CCDC150: variants seen among roughly 807,000 people sequenced by gnomAD.
CCDC150 encodes coiled-coil domain containing 150.
CCDC150 carries 151 observed loss-of-function variants against 156.5 expected under a neutral mutation model. The ratio of observed to expected loss-of-function variants is 0.97; its 90% CI spans 0.85 to 1.10. The LOEUF (loss-of-function observed/expected upper bound fraction) is 1.10. CCDC150 is among the 50% of genes least tolerant of loss of function. The probability of loss-of-function intolerance (pLI) is 0.00; values close to 1 mark genes in which losing one functional copy is unlikely to be tolerated. For missense variants in CCDC150, 1,312 were observed against 1,268.1 expected (o/e 1.03, Z -0.53); for synonymous variants, 452 against 429.4 (o/e 1.05, Z -0.65).
chr2:196,690,778 G>C (rs1055976098), intron 13 of CCDC150, among the ~76,000 whole-genome samples: 1 of 152,156 alleles, frequency 6.6e-6, no homozygotes, highest in African/African-American at 2.4e-5. Context: ...TGCTTGTCTT[G>C]TGCCAGTTTT....
chr2:196,671,688 A>G (rs558244558), intron 8 of CCDC150, among the ~76,000 whole-genome samples: 1 of 152,194 alleles, frequency 6.6e-6, no homozygotes, highest in South Asian at 2.1e-4. Flanking sequence ...TCAGCCTCCC[A>G]AAGTGCTGGG....
intron 20 of CCDC150, among the ~76,000 whole-genome samples, 195 bp downstream of exon 20, chr2:196,720,863 A>G (rs1372897848): frequency 2.6e-5 from 4 of 152,200 alleles, no homozygotes. Context: ...AACCAGTACC[A>G]CAATAATGAC....
rs763124897 is a variant in CCDC150, at chr2:196,657,092, G to T, written c.532G>T (p.Val178Leu). 1 of 1,613,858 alleles carries T rather than the reference G, an allele frequency of 6.2e-7. No homozygotes were observed. Among genetic ancestry groups the T allele is most frequent in the Admixed American group, 1.7e-5 (1 of 60,020 alleles). The stretch of plus-strand genomic sequence containing the variant: ...GGAAGAAGACAAGGCACAAGATGAG[G>T]TGCAAAGGTTGACTGCCACTCTGAA... The part of the protein sequence containing the change: ...KEEEDKAQDE[V>L]QRLTATLKIA... The change falls in exon 4 of 28, where the codon GTG becomes TTG. Residue 178 changes from valine to leucine, a missense_variant. Coordinates refer to ENST00000389175, the MANE Select transcript of CCDC150 (RefSeq NM_001080539.2).
At chr2:196,659,358 C>T (rs984914716) in intron 5 of CCDC150, among the ~76,000 whole-genome samples, 15 of 152,076 alleles carry the variant, frequency 9.9e-5, no homozygotes, top group Admixed American at 5.9e-4. Flanking sequence ...GAATTACTAA[C>T]TCAATATACT....
At chr2:196,709,380 T>A (rs1265285870) in intron 15 of CCDC150, among the ~76,000 whole-genome samples, 1 of 152,212 alleles carries the variant, frequency 6.6e-6, no homozygotes, top group Non-Finnish European at 1.5e-5. Context: ...TTCTCTACAC[T>A]GTTTTTTCTA....
chr2:196,677,435 TA>T lies in CCDC150; in HGVS notation c.1509+76del, dbSNP rs1387696666. 4.1e-6 allele frequency: 4 copies of T among 985,332 alleles called. No individual in the cohort carries two copies. In the Admixed American group the frequency reaches 8.3e-5, roughly 20 times the overall value. 61.0% of individuals were successfully genotyped at this position (985,332 alleles called of 1,614,324 possible). A position where few individuals can be genotyped will look rare whatever the true frequency, so the allele number is the denominator to read the frequency against. On this transcript the variant is annotated intron_variant, in intron 13 of 27. Coordinates refer to ENST00000389175, the MANE Select transcript of CCDC150 (RefSeq NM_001080539.2). ...TGCTGACTACCGTATCAGCTTATCT[TA>T]ATGAGGAGATGGCTGATGAATACCA...
chr2:196,680,740 G>A (rs1252062335), intron 13 of CCDC150, among the ~76,000 whole-genome samples: 1 of 152,134 alleles, frequency 6.6e-6, no homozygotes, highest in East Asian at 1.9e-4. Context: ...TATAACCTAG[G>A]AGTGGAACTA....
chr2:196,642,290 C>T (rs887184752), intron 1 of CCDC150, among the ~76,000 whole-genome samples: 1 of 152,098 alleles, frequency 6.6e-6, no homozygotes. Context: ...TAAGACTGTG[C>T]TTCTTAGACT....
intron 5 of CCDC150, among the ~76,000 whole-genome samples, chr2:196,660,067 G>A (rs1328436115): frequency 6.6e-6 from 1 of 152,146 alleles, no homozygotes; most frequent in African/African-American, 2.4e-5. Context: ...CATAGAGTAT[G>A]TATGTAGTCT....
At chr2:196,705,093 G>A (rs1696522165) in intron 15 of CCDC150, among the ~76,000 whole-genome samples, 1 of 152,116 alleles carries the variant, frequency 6.6e-6, no homozygotes, top group Non-Finnish European at 1.5e-5. Context: ...GGGTCAAATG[G>A]TATTTTCTAG....
chr2:196,657,195 A>G (rs1199021951), intron 4 of CCDC150, 59 bp downstream of exon 4: 1 of 1,537,494 alleles, frequency 6.5e-7, no homozygotes, highest in Non-Finnish European at 8.9e-7. Context: ...TGGAGGAGGT[A>G]ACAGACCTAT....
intron 5 of CCDC150, among the ~76,000 whole-genome samples, chr2:196,660,473 A>G (rs1292505015): frequency 6.6e-6 from 1 of 152,168 alleles, no homozygotes; most frequent in Non-Finnish European, 1.5e-5. Flanking sequence ...CCTCACCGGC[A>G]TTTGGTCTTG....
chr2:196,731,847 T>C (rs780698007), intron 26 of CCDC150, among the ~76,000 whole-genome samples, 186 bp from the exon 27 acceptor site: 1 of 152,218 alleles, frequency 6.6e-6, no homozygotes. Context: ...ATGCATTCTT[T>C]AACCCCTCAC....
intron 21 of CCDC150, 92 bp from the exon 22 acceptor site, chr2:196,725,881 C>T (rs1266335864): frequency 8.3e-7 from 1 of 1,208,450 alleles, no homozygotes; most frequent in East Asian, 2.6e-5. Context: ...AAATCACACA[C>T]CTTTTGGAGA....
intron 2 of CCDC150, among the ~76,000 whole-genome samples, chr2:196,647,546 A>G (rs1692621207): frequency 6.6e-6 from 1 of 152,080 alleles, no homozygotes; most frequent in Non-Finnish European, 1.5e-5. Flanking sequence ...TTACCTAATA[A>G]CAAGAAATAT....
At chr2:196,653,100 A>G (rs539735739) in intron 2 of CCDC150, among the ~76,000 whole-genome samples, 1 of 152,302 alleles carries the variant, frequency 6.6e-6, no homozygotes, top group African/African-American at 2.4e-5. Flanking sequence ...TATTTCTGAA[A>G]TGCCTTCAGA....
chr2:196,700,959 A>G, intron 14 of CCDC150, 150 bp from the exon 15 acceptor site: 1 of 596,822 alleles, frequency 1.7e-6, no homozygotes, highest in Non-Finnish European at 2.9e-6. Context: ...TCAACTATGT[A>G]GGAAAAGACT....
At chr2:196,675,564 A>G (rs900575406) in intron 10 of CCDC150, among the ~76,000 whole-genome samples, 3 of 152,076 alleles carry the variant, frequency 2.0e-5, no homozygotes, top group African/African-American at 7.2e-5. Flanking sequence ...TAAAAATGTC[A>G]TGTTTTGATA....
intron 13 of CCDC150, among the ~76,000 whole-genome samples, chr2:196,682,613 A>G (rs1694906350): frequency 6.6e-6 from 1 of 152,092 alleles, no homozygotes; most frequent in African/African-American, 2.4e-5. Context: ...GTATGTCCTC[A>G]CTTAATGTCA....
Sources: gnomAD v4.1 joint callset for allele counts (sites outside exome capture counted in the v4.1 genomes callset) on GRCh38, gnomAD v4.1.1 for gene constraint, MANE v1.5 for transcripts, NCBI Gene and HGNC (gene_info 2026-07-23, HGNC 2026-07-21) for gene names.